The following PAX3 variants were observed in gnomAD, a reference collection of about 807,000 sequenced individuals.
PAX3 encodes paired box protein Pax-3.
Under a neutral mutation model 51.6 loss-of-function variants are expected in PAX3, and 14 were observed. The ratio of observed to expected loss-of-function variants is 0.27; its 90% CI spans 0.18 to 0.42. The LOEUF (loss-of-function observed/expected upper bound fraction) is 0.42. Ranked by LOEUF, PAX3 falls within the 10% of genes least tolerant of loss-of-function variation. The probability of loss-of-function intolerance (pLI) is 1.00; values close to 1 mark genes in which losing one functional copy is unlikely to be tolerated. For synonymous variants in PAX3, 280 were observed against 253.4 expected (o/e 1.11, Z -1.00); for missense variants, 540 against 642.8 (o/e 0.84, Z 1.73).
At chr2:222,201,598 G>T in intron 8 of PAX3, 156 bp from the exon 9 acceptor site, 1 of 1,300,292 alleles carries the variant, frequency 7.7e-7, no homozygotes, top group Non-Finnish European at 1.1e-6. Context: ...ACACAACTTT[G>T]TGTCCCTGGG....
intron 7 of PAX3, among the ~76,000 whole-genome samples, chr2:222,217,991 G>A (rs1194544906): frequency 6.6e-6 from 1 of 152,122 alleles, no homozygotes; most frequent in Non-Finnish European, 1.5e-5. Flanking sequence ...GAGGAAATAA[G>A]GAGGAATTTC....
chr2:222,294,240 G>C lies in PAX3; in HGVS notation c.513C>G (p.Asp171Glu). 2 of 1,614,230 alleles carry C rather than the reference G, an allele frequency of 1.2e-6. No homozygotes were observed. Among genetic ancestry groups the C allele is most frequent in the Non-Finnish European group, 1.7e-6 (2 of 1,180,048 alleles). ...KFGKGEEEEA[D>E]LERKEAEESE... is the part of the protein sequence containing the mutation. ...TTTCCTCTGCCTCCTTCCTCTCCAA[G>C]TCGGCCTCCTCCTCTTCACCTTTCC... The change falls in exon 4 of 9, where the codon GAC (aspartate) becomes GAG (glutamate). Residue 171 changes from aspartate (D) to glutamate (E), a missense_variant. By Grantham distance (45) the Asp-to-Glu change is conservative. Around this residue, in one of 3 missense-constraint regions of PAX3, gnomAD observed 427 missense variants for 483.6 expected, o/e 0.88. Transcript: ENST00000392070.
chr2:222,266,294 C>T (rs1184123674), intron 4 of PAX3, among the ~76,000 whole-genome samples: 2 of 152,206 alleles, frequency 1.3e-5, no homozygotes, highest in Non-Finnish European at 2.9e-5. Context: ...GGAAAGCCCC[C>T]TCTGGGCCAG....
intron 4 of PAX3, 164 bp downstream of exon 4, chr2:222,294,003 C>A: frequency 6.5e-7 from 1 of 1,540,790 alleles, no homozygotes; most frequent in South Asian, 1.3e-5. Context: ...TTCCTAGTGT[C>A]CCTCTGGTCT....
At chr2:222,224,212 C>G (rs1415755218) in intron 5 of PAX3, among the ~76,000 whole-genome samples, 2 of 152,076 alleles carry the variant, frequency 1.3e-5, no homozygotes, top group African/African-American at 4.8e-5. Context: ...TCTATTATAT[C>G]CACAATAAAA....
At chr2:222,227,427 C>T (rs116092500) in intron 5 of PAX3, among the ~76,000 whole-genome samples, 2,345 of 152,148 alleles carry the variant, frequency 0.015, 57 homozygotes, top group African/African-American at 0.053. Context: ...GAAACCGCAT[C>T]TCTACAATAC....
chr2:222,208,336 C>T (rs1691593470), intron 7 of PAX3, among the ~76,000 whole-genome samples: 1 of 151,750 alleles, frequency 6.6e-6, no homozygotes, highest in South Asian at 2.1e-4. Context: ...TATAACAAAA[C>T]AGCTCAGGAA....
intron 4 of PAX3, among the ~76,000 whole-genome samples, chr2:222,285,739 G>A (rs1694809981): frequency 6.6e-6 from 1 of 152,098 alleles, no homozygotes; most frequent in African/African-American, 2.4e-5. Context: ...TTCTACAGTT[G>A]TTTCCATAAA....
At chr2:222,264,823 G>T (rs1489109857) in intron 4 of PAX3, 1 of 152,200 alleles carries the variant, frequency 6.6e-6, no homozygotes, top group Admixed American at 6.5e-5. Context: ...GCATTCTGGT[G>T]ACAGGACCTC....
chr2:222,279,466 G>A (rs186874246), intron 4 of PAX3, among the ~76,000 whole-genome samples: 13 of 152,352 alleles, frequency 8.5e-5, no homozygotes, highest in Admixed American at 2.6e-4. Flanking sequence ...TTTATGGAAG[G>A]AAAGTGGGGA....
intron 4 of PAX3, chr2:222,233,067 A>T (rs1692656888): frequency 7.9e-6 from 1 of 126,756 alleles, no homozygotes; most frequent in Non-Finnish European, 1.6e-5. Context: ...GCTTTATTTA[A>T]GAAAGCCAAT....
chr2:222,282,282 G>A (rs138729700), intron 4 of PAX3, among the ~76,000 whole-genome samples: 12 of 152,050 alleles, frequency 7.9e-5, no homozygotes, highest in Admixed American at 5.9e-4. Flanking sequence ...AGGCTGAAAC[G>A]TCTAGCTTAG....
At chr2:222,265,497 C>CA (rs202075713) in intron 4 of PAX3, among the ~76,000 whole-genome samples, 1,568 of 145,178 alleles carry the variant, frequency 0.011, 23 homozygotes, top group African/African-American at 0.034. Context: ...ACTAAAAATA[C>CA]AAAAAAATAG....
At chr2:222,289,416 G>A in intron 4 of PAX3, among the ~76,000 whole-genome samples, 1 of 152,120 alleles carries the variant, frequency 6.6e-6, no homozygotes, top group East Asian at 1.9e-4. Context: ...TCCTATTCAC[G>A]TGATCGATTT....
intron 7 of PAX3, among the ~76,000 whole-genome samples, chr2:222,205,634 T>C (rs1256020704): frequency 1.3e-5 from 2 of 152,208 alleles, no homozygotes; most frequent in Non-Finnish European, 2.9e-5. Context: ...AATTATAATG[T>C]GATTTATTTC....
chr2:222,207,495 C>A (rs1265028539), intron 7 of PAX3, among the ~76,000 whole-genome samples: 1 of 152,120 alleles, frequency 6.6e-6, no homozygotes, highest in Non-Finnish European at 1.5e-5. Flanking sequence ...TAATCCTTAG[C>A]CTACATTTTA....
chr2:222,218,414 A>G (rs1225652122), intron 7 of PAX3, among the ~76,000 whole-genome samples: 2 of 152,208 alleles, frequency 1.3e-5, no homozygotes, highest in African/African-American at 4.8e-5. Context: ...TATTAGTTTT[A>G]TTGCTATTGA....
At chr2:222,264,393 G>A (rs548257769) in intron 4 of PAX3, 1 of 152,292 alleles carries the variant, frequency 6.6e-6, no homozygotes, top group East Asian at 1.9e-4. Flanking sequence ...AGACGGATGG[G>A]GGATTGGGAA....
chr2:222,284,708 G>T (rs1209137704), intron 4 of PAX3, among the ~76,000 whole-genome samples: 1 of 152,138 alleles, frequency 6.6e-6, no homozygotes, highest in African/African-American at 2.4e-5. Context: ...GAGCCCATCT[G>T]CTAGTTTGTA....
Sources: allele counts gnomAD v4.1 joint callset (sites outside exome capture counted in the v4.1 genomes callset), GRCh38; gene constraint gnomAD v4.1.1; regional missense constraint gnomAD v4.1.1; transcripts MANE v1.5; gene names NCBI Gene and HGNC (gene_info 2026-07-23, HGNC 2026-07-21).